REST: variants seen among roughly 807,000 people sequenced by gnomAD.
REST encodes RE1 silencing transcription factor.
REST carries 1 observed loss-of-function variant against 30.4 expected under a neutral mutation model. The ratio of observed to expected loss-of-function variants is 0.03; its 90% confidence interval spans 0.01 to 0.16. REST has a LOEUF of 0.16. REST is among the 10% of genes least tolerant of loss of function. The probability of loss-of-function intolerance (pLI) is 1.00; values close to 1 mark genes in which losing one functional copy is unlikely to be tolerated. For synonymous variants in REST, 504 were observed against 451.1 expected (o/e 1.12, Z -1.49); for missense variants, 1,259 against 1,329.5 (o/e 0.95, Z 0.82).
chr4:56,931,162 C>G lies in REST; in HGVS notation c.2304C>G (p.Pro768=), dbSNP rs571953660. The change falls in exon 4 of 4, where the codon CCC becomes CCG. Residue 768 remains proline, a synonymous_variant. Coordinates refer to ENST00000309042, the MANE Select transcript of REST (RefSeq NM_005612.5). ...CTGTTAAGATAGAGCTGTCTCCTCC[C>G]ATAGAGGTGGTCCAGAAGGAGCCTG... ...KEPVKIELSP[P]IEVVQKEPVQ... is the part of the protein sequence containing the mutation. 1.9e-6 allele frequency: 3 copies of G among 1,608,058 alleles called. No individual in the cohort carries two copies. The South Asian group carries it at 3.3e-5, about 18-fold the overall frequency.
intron 3 of REST, among the ~76,000 whole-genome samples, chr4:56,925,786 G>A (rs1273098652): frequency 6.6e-5 from 10 of 151,976 alleles, no homozygotes; most frequent in Non-Finnish European, 1.2e-4. Flanking sequence ...TAAAAATTAC[G>A]GGAGAAAAAG....
At chr4:56,909,392 A>C (rs1436821070) in intron 1 of REST, 7 of 152,270 alleles carry the variant, frequency 4.6e-5, no homozygotes, top group African/African-American at 9.6e-5. Flanking sequence ...TTCGTGCAGC[A>C]CGTTGGGCTT....
intron 1 of REST, chr4:56,909,148 C>T (rs1218784176): frequency 7.9e-5 from 12 of 152,530 alleles, no homozygotes; most frequent in Non-Finnish European, 1.8e-4. Context: ...TTGATCCCCT[C>T]CCCCGTTTTA....
chr4:56,909,597 A>G (rs1406698439), intron 1 of REST: 1 of 152,228 alleles, frequency 6.6e-6, no homozygotes, highest in Non-Finnish European at 1.5e-5. Flanking sequence ...GGTACGTAGA[A>G]CTAAACCGGT....
chr4:56,913,401 G>T (rs781658), intron 2 of REST, among the ~76,000 whole-genome samples: 21 of 152,116 alleles, frequency 1.4e-4, no homozygotes, highest in African/African-American at 5.1e-4. Flanking sequence ...TTAACTATTG[G>T]TAGCTCATTT....
At chr4:56,917,045 C>G (rs1720232998) in intron 2 of REST, among the ~76,000 whole-genome samples, 1 of 152,148 alleles carries the variant, frequency 6.6e-6, no homozygotes, top group Admixed American at 6.6e-5. Context: ...TTTGTGATTA[C>G]AGCTATCTTA....
rs111669465 is a variant in REST, at chr4:56,911,127, A to G, written c.489A>G (p.Pro163=). 1 of 1,614,254 alleles carries G rather than the reference A, an allele frequency of 6.2e-7. No individual in the cohort carries two copies. Among genetic ancestry groups the G allele is most frequent in the East Asian group, 2.2e-5 (1 of 44,894 alleles). ...AGACCAAACCCTTTCGCTGTAAGCC[A>G]TGCCAATATGAAGCAGAATCTGAAG... ...SSKTKPFRCK[P]CQYEAESEEQ... is the part of the protein sequence containing the mutation. The change falls in exon 2 of 4, where the codon CCA becomes CCG. Residue 163 remains proline, a synonymous_variant. Transcript: ENST00000309042.
rs761382393 is a variant in REST, at chr4:56,930,838, G to C, written c.1980G>C (p.Gly660=). Residue 660 remains glycine (G), a synonymous_variant, in exon 4 of 4, where the codon GGG becomes GGC. Coordinates refer to ENST00000309042, the MANE Select transcript of REST (RefSeq NM_005612.5). The part of the protein sequence containing the change: ...EPVQMEVVQE[G]PAQKELLPPV... ...TTCAGATGGAGGTGGTTCAGGAGGG[G>C]CCTGCTCAGAAGGAGCTGCTGCCTC... 6.2e-7 allele frequency: 1 copy of C among 1,612,688 alleles called. No homozygotes were observed. The highest frequency in any genetic ancestry group is 1.7e-5 in the Admixed American group (1 of 59,864).
rs777064613 is a variant in REST, at chr4:56,930,700, G to A, written c.1842G>A (p.Gly614=). 1.9e-6 allele frequency: 3 copies of A among 1,608,466 alleles called. No individual in the cohort carries two copies. Among genetic ancestry groups the A allele is most frequent in the Non-Finnish European group, 1.7e-6 (2 of 1,178,632 alleles). The change falls in exon 4 of 4, where the codon GGG becomes GGA. Residue 614 remains glycine, a synonymous_variant. Coordinates refer to ENST00000309042, the MANE Select transcript of REST (RefSeq NM_005612.5). ...CTCAGATGGACCCTCCTCAGATGGG[G>A]CCTGCTCCCACAGAGGCGGTTCAGA... The part of the protein sequence containing the change: ...GSAQMDPPQM[G]PAPTEAVQKG...
At chr4:56,922,075 G>A (rs530482933) in intron 3 of REST, among the ~76,000 whole-genome samples, 23 of 152,138 alleles carry the variant, frequency 1.5e-4, no homozygotes, top group South Asian at 2.1e-4. Context: ...TGCTTGTCAC[G>A]CTAATGTACT....
chr4:56,929,935 A>G lies in REST; in HGVS notation c.1077A>G (p.Lys359=), dbSNP rs779458783. 6.2e-7 allele frequency: 1 copy of G among 1,614,082 alleles called. No individual in the cohort carries two copies. ...CAAGACAGGTTCACAATGGGCCTAA[A>G]CCTCTTAATTGCCCACACTGTGATT... ...RHARQVHNGP[K]PLNCPHCDYK... is the part of the protein sequence containing the mutation. The change falls in exon 4 of 4, where the codon AAA becomes AAG. Residue 359 remains lysine (K), a synonymous_variant. Coordinates refer to ENST00000309042, the MANE Select transcript of REST (RefSeq NM_005612.5).
At chr4:56,917,670 T>A (rs1720262583) in intron 2 of REST, among the ~76,000 whole-genome samples, 1 of 152,242 alleles carries the variant, frequency 6.6e-6, no homozygotes, top group Non-Finnish European at 1.5e-5. Flanking sequence ...CTTTTACAGA[T>A]GGGGAAACGG....
In REST at chr4:56,928,837, C is replaced by T. The variant is rs188946072; in HGVS notation, c.983-1004C>T. Among the ~76,000 whole-genome samples the T allele has an allele frequency of 4.0e-5, 6 of 151,814 alleles. 1 individual carries two copies. Among genetic ancestry groups the T allele is most frequent in the Admixed American group, 3.9e-4 (6 of 15,232 alleles). ...CTCCTGACCTCAGGTGATCCACCTG[C>T]CTTGGCCTCCCAAAGTGCTGGGATT... is the stretch of plus-strand genomic sequence containing the variant. On this transcript the variant is annotated intron_variant, in intron 3 of 3. Coordinates refer to ENST00000309042, the MANE Select transcript of REST (RefSeq NM_005612.5).
chr4:56,930,041 G>A lies in REST; in HGVS notation c.1183G>A (p.Asp395Asn), dbSNP rs762805457. ...NPRQFNCPVC[D>N]YAASKKCNLQ... ...ACGGCAGTTCAATTGCCCTGTATGT[G>A]ACTATGCAGCTTCCAAGAAGTGTAA... Residue 395 changes from aspartate (D) to asparagine (N), a missense_variant, in exon 4 of 4, where the codon GAC becomes AAC. Asp to Asn is a conservative substitution (Grantham distance 23). This residue lies in a region of REST where 125 missense variants were observed against 255.4 expected (regional missense o/e 0.49). Transcript: ENST00000309042. 2 of 1,614,156 alleles carry A rather than the reference G, an allele frequency of 1.2e-6. No individual in the cohort carries two copies. The highest frequency in any genetic ancestry group is 2.2e-5 in the South Asian group (2 of 91,074).
At position 56,934,141 on chromosome 4, in the gene REST, C is replaced by A. The variant is rs1721070200; in HGVS notation, c.*1989C>A. On this transcript the variant is annotated 3_prime_UTR_variant, in exon 4 of 4. Transcript: ENST00000309042. ...ATGTTGAATTCTAGGCTCCGACAATCATTGTCAACAGAAGATCAAGCTGCA... is the reference window on the plus strand; with the variant it reads ...ATGTTGAATTCTAGGCTCCGACAATAATTGTCAACAGAAGATCAAGCTGCA... 1 of 152,204 alleles carries A rather than the reference C, an allele frequency of 6.6e-6. No homozygotes were observed. The highest frequency in any genetic ancestry group is 1.5e-5 in the Non-Finnish European group (1 of 68,040). The allele number at this position is 152,204 out of a possible 1,614,324, so 9.4% of individuals were successfully genotyped here.
intron 3 of REST, among the ~76,000 whole-genome samples, chr4:56,924,529 GT>G (rs1720593621): frequency 6.6e-6 from 1 of 152,112 alleles, no homozygotes; most frequent in South Asian, 2.1e-4. Context: ...AGTGGGTGCA[GT>G]TACAGCTGTC....
rs572307645 is a variant in REST, at chr4:56,920,411, G to C, written c.982+541G>C. ...TAAGCTGTATTAAGAGTATAGGACT[G>C]TAACATGAGAGATTCGTCCACTCCA... On this transcript the variant is annotated intron_variant, in intron 3 of 3. Coordinates refer to ENST00000309042, the MANE Select transcript of REST (RefSeq NM_005612.5). 6.0e-5 allele frequency among the ~76,000 whole-genome samples: 9 copies of C among 151,038 alleles called. No homozygotes were observed. In the East Asian group the frequency reaches 1.7e-3, roughly 29 times the overall value.
Position 56,932,193 on chromosome 4 carries a change from A to G in REST, c.*41A>G, listed in dbSNP as rs759954686. Reference sequence around the variant, plus strand: ...GGTTTCAGTTCTTAGTTTGTAAGGTATATTACATTTTATATTCATTTATGA... The same window carrying G: ...GGTTTCAGTTCTTAGTTTGTAAGGTGTATTACATTTTATATTCATTTATGA... On this transcript the variant is annotated 3_prime_UTR_variant, in exon 4 of 4. Transcript: ENST00000309042. The G allele has an allele frequency of 7.8e-6, 12 of 1,536,620 alleles. No individual in the cohort carries two copies. Among genetic ancestry groups the G allele is most frequent in the South Asian group, 5.1e-5 (4 of 78,160 alleles).
chr4:56,929,301 C>A (rs184425708), intron 3 of REST, among the ~76,000 whole-genome samples: 1 of 151,988 alleles, frequency 6.6e-6, no homozygotes, highest in East Asian at 1.9e-4. Flanking sequence ...AAACTCCTGG[C>A]CTCAAGGTAT....
Sources: gnomAD v4.1 joint callset for allele counts (sites outside exome capture counted in the v4.1 genomes callset) on GRCh38, gnomAD v4.1.1 for gene constraint, gnomAD v4.1.1 regional missense constraint, MANE v1.5 for transcripts, NCBI Gene and HGNC (gene_info 2026-07-23, HGNC 2026-07-21) for gene names.